BPIFB2: variants seen among roughly 807,000 people sequenced by gnomAD.
BPIFB2 encodes BPI fold-containing family B member 2.
BPIFB2 carries 39 observed loss-of-function variants against 50.1 expected under a neutral mutation model. The ratio of observed to expected loss-of-function variants is 0.78; its 90% CI spans 0.60 to 1.02. The LOEUF (loss-of-function observed/expected upper bound fraction) is 1.02, where lower values mean the gene tolerates loss of function less well. Ranked by LOEUF, BPIFB2 falls within the 50% of genes least tolerant of loss-of-function variation. The pLI, the probability that BPIFB2 is intolerant of heterozygous loss-of-function variation, is 0.00. For missense variants in BPIFB2, 574 were observed against 585.8 expected (o/e 0.98, Z 0.21); for synonymous variants, 280 against 256.3 (o/e 1.09, Z -0.88).
chr20:33,012,392 G>A (rs1350175899), intron 3 of BPIFB2, among the ~76,000 whole-genome samples: 1 of 152,200 alleles, frequency 6.6e-6, no homozygotes, highest in African/African-American at 2.4e-5. Context: ...AGAGTGCTTG[G>A]AGCTTTGAAG....
Position 33,009,040 on chromosome 20 carries a change from C to T in BPIFB2, c.109+357C>T, listed in dbSNP as rs953523059. Among the ~76,000 whole-genome samples the T allele has an allele frequency of 6.6e-6, 1 of 152,048 alleles. No homozygotes were observed. The highest frequency in any genetic ancestry group is 1.5e-5 in the Non-Finnish European group (1 of 68,014). ...TGTGCCCACGTGTGTACTTAAGTGT[C>T]GGGGAGGGTGCAAGCCCATGATGCT... On this transcript the variant is annotated intron_variant, in intron 2 of 15. Transcript: ENST00000170150. This position sits in a 1 kb window ranked among gnomAD's most constrained non-coding sequence, Gnocchi z 4.2.
intron 9 of BPIFB2, 72 bp from the exon 10 acceptor site, chr20:33,018,990 G>A: frequency 6.2e-7 from 1 of 1,604,420 alleles, no homozygotes. Context: ...CGATTGCTCA[G>A]GGGGAAAGTG....
intron 8 of BPIFB2, 141 bp downstream of exon 8, chr20:33,018,491 C>T (rs1056988503): frequency 2.3e-6 from 3 of 1,290,342 alleles, no homozygotes; most frequent in Non-Finnish European, 3.3e-6. Flanking sequence ...GCATGCCACA[C>T]AGGCGAAAGT....
chr20:33,008,807 TC>T, intron 2 of BPIFB2, 124 bp downstream of exon 2: 5 of 784,750 alleles, frequency 6.4e-6, no homozygotes, highest in Non-Finnish European at 9.9e-6. Flanking sequence ...GGAAGTTGTG[TC>T]CCTGGCACCC....
At position 33,020,348 on chromosome 20, in the gene BPIFB2, G is replaced by A; in HGVS notation, c.1101G>A (p.Gln367=). The change falls in exon 12 of 16, where the codon CAG becomes CAA. Residue 367 remains glutamine, a synonymous_variant. Transcript: ENST00000170150. Reference sequence around the variant, plus strand: ...CCCAGGTAGTGAACTTGAGACTCCAGCTCTCTGTGTCCAAGGTGAAGCTTC... The same window carrying A: ...CCCAGGTAGTGAACTTGAGACTCCAACTCTCTGTGTCCAAGGTGAAGCTTC... ...SLDVVVNLRL[Q]LSVSKVKLQG... is the part of the protein sequence containing the mutation. 6.2e-7 allele frequency: 1 copy of A among 1,614,156 alleles called. No individual in the cohort carries two copies. The highest frequency in any genetic ancestry group is 8.5e-7 in the Non-Finnish European group (1 of 1,180,000).
Position 33,008,649 on chromosome 20 carries a change from C to T in BPIFB2, c.75C>T (p.Thr25=), listed in dbSNP as rs373872134. The T allele has an allele frequency of 3.4e-5, 54 of 1,607,062 alleles. No homozygotes were observed. The African/African-American group carries it at 3.5e-4, about 10-fold the overall frequency. ...TGGTCGGTGCCTCCACGCCAGGCAC[C>T]GTGGTCCGACTCAACAAGGCAGCAT... ...LPVVGASTPG[T]VVRLNKAALS... is the part of the protein sequence containing the mutation. Residue 25 remains threonine (T), a synonymous_variant, in exon 2 of 16, where the codon ACC becomes ACT. Coordinates refer to ENST00000170150, the MANE Select transcript of BPIFB2 (RefSeq NM_025227.3).
intron 6 of BPIFB2, 142 bp downstream of exon 6, chr20:33,015,638 A>T: frequency 1.3e-6 from 1 of 769,552 alleles, no homozygotes; most frequent in Non-Finnish European, 2.0e-6. Context: ...GTCCCCATGA[A>T]GGCAGGGAAA....
rs376651383 is a variant in BPIFB2, at chr20:33,021,812, G to T, written c.1335+13G>T. The stretch of plus-strand genomic sequence containing the variant: ...CTTTGTCTATGAGGTGAGAGCCTTT[G>T]GGTGTGACCAGAGGGGCCTCCTTCA... On this transcript the variant is annotated intron_variant, in intron 15 of 15. Coordinates refer to ENST00000170150, the MANE Select transcript of BPIFB2 (RefSeq NM_025227.3). 1 of 1,610,866 alleles carries T rather than the reference G, an allele frequency of 6.2e-7. No individual in the cohort carries two copies.
chr20:33,012,950 A>G (rs780716507), intron 4 of BPIFB2, 43 bp downstream of exon 4: 2 of 1,530,412 alleles, frequency 1.3e-6, no homozygotes. Context: ...GGTTTTGGGG[A>G]TGCTCCGAGG....
chr20:33,014,654 G>C (rs1020506179), intron 5 of BPIFB2, among the ~76,000 whole-genome samples: 4 of 152,342 alleles, frequency 2.6e-5, no homozygotes, highest in South Asian at 2.1e-4. Flanking sequence ...CAATGTGAGC[G>C]GGGCTTGCTG....
chr20:33,015,192 C>T (rs1025312592), intron 5 of BPIFB2, among the ~76,000 whole-genome samples: 8 of 152,182 alleles, frequency 5.3e-5, no homozygotes, highest in South Asian at 2.1e-4. Flanking sequence ...CTCTGTCTCA[C>T]GCGCCACATT....
At chr20:33,022,878 C>A (rs930319749) in intron 15 of BPIFB2, among the ~76,000 whole-genome samples, 58 of 152,308 alleles carry the variant, frequency 3.8e-4, no homozygotes, top group Non-Finnish European at 2.2e-4. Context: ...TCTCTGCTGG[C>A]TCCCCAGCAC....
At chr20:33,015,312 G>T in intron 5 of BPIFB2, 124 bp from the exon 6 acceptor site, 4 of 765,444 alleles carry the variant, frequency 5.2e-6, no homozygotes, top group Non-Finnish European at 6.2e-6. Context: ...GCAGGGCATC[G>T]AATGGAATTG....
At chr20:33,018,224 T>C (rs1413211138) in intron 7 of BPIFB2, 35 bp from the exon 8 acceptor site, 1 of 1,498,520 alleles carries the variant, frequency 6.7e-7, no homozygotes, top group Admixed American at 1.7e-5. Context: ...GTGCTAAATA[T>C]GCCATCTTTT....
At chr20:33,019,221 C>T in intron 10 of BPIFB2, 106 bp downstream of exon 10, 3 of 1,398,758 alleles carry the variant, frequency 2.1e-6, no homozygotes, top group South Asian at 2.4e-5. Context: ...AAGTGAAGTT[C>T]AGCATCTGTC....
chr20:33,021,292 G>A lies in BPIFB2; in HGVS notation c.1206G>A (p.Val402=). ...SNVGFIDTDQ[V]RTLMGTVFEK... ...CTCCGTGGCCACAGACAGATCAGGT[G>A]CGCACACTGATGGGCACCGTTTTTG... Residue 402 remains valine, a synonymous_variant, in exon 14 of 16, where the codon GTG becomes GTA. Transcript: ENST00000170150. 1.2e-6 allele frequency: 2 copies of A among 1,614,008 alleles called. No homozygotes were observed. Among genetic ancestry groups the A allele is most frequent in the African/African-American group, 1.3e-5 (1 of 75,062 alleles).
chr20:33,016,746 G>A (rs368530313), intron 6 of BPIFB2, among the ~76,000 whole-genome samples: 18 of 152,334 alleles, frequency 1.2e-4, no homozygotes, highest in East Asian at 7.7e-4. Context: ...CCCTGCCTCC[G>A]TTGCTCAGGC....
chr20:33,019,573 TC>T lies in BPIFB2; in HGVS notation c.910-3del. On this transcript the variant is annotated splice_region_variant and splice_polypyrimidine_tract_variant and intron_variant, in intron 10 of 15. Coordinates refer to ENST00000170150, the MANE Select transcript of BPIFB2 (RefSeq NM_025227.3). ...CAGCAGGGCCTCCTCCGCCTCTGCC[TC>T]CCCAGGTGGCCCGCCAGTTTCCCGA... is the stretch of plus-strand genomic sequence containing the variant. The T allele has an allele frequency of 6.3e-7, 1 of 1,578,434 alleles. No homozygotes were observed.
chr20:33,019,741 C>T lies in BPIFB2; in HGVS notation c.1071C>T (p.Ser357=), dbSNP rs1191625894. 6.2e-7 allele frequency: 1 copy of T among 1,606,410 alleles called. No homozygotes were observed. Among genetic ancestry groups the T allele is most frequent in the Non-Finnish European group, 8.5e-7 (1 of 1,175,844 alleles). Residue 357 remains serine (S), a synonymous_variant, in exon 11 of 16, where the codon TCC becomes TCT. Transcript: ENST00000170150. ...ACTCGGCTTTCCAGTCCCTCTTCTC[C>T]CTGGATGTGGTGAGTGCGGTGGGGC... ...ASNSAFQSLF[S]LDVVVNLRLQ...
Sources: allele counts gnomAD v4.1 joint callset (sites outside exome capture counted in the v4.1 genomes callset), GRCh38; gene constraint gnomAD v4.1.1; non-coding constraint Gnocchi (gnomAD v3.1); transcripts MANE v1.5; gene names NCBI Gene and HGNC (gene_info 2026-07-23, HGNC 2026-07-21).